The following RANBP2 variants were observed in gnomAD, a reference collection of about 807,000 sequenced individuals.
RANBP2 encodes the protein E3 SUMO-protein ligase RanBP2.
RANBP2 carries 57 observed loss-of-function variants against 303.6 expected under a neutral mutation model. The ratio of observed to expected loss-of-function variants is 0.19; its 90% confidence interval spans 0.15 to 0.23. RANBP2 has a LOEUF of 0.23. RANBP2 is among the 10% of genes least tolerant of loss of function. The pLI is 1.00. For synonymous variants in RANBP2, 1,167 were observed against 1,301.5 expected (o/e 0.90, Z 2.23); for missense variants, 3,138 against 3,780.8 (o/e 0.83, Z 4.46).
the RANBP2 span, among the ~76,000 whole-genome samples, chr2:109,046,959 T>G: frequency 6.6e-6 from 1 of 152,114 alleles, no homozygotes; most frequent in African/African-American, 2.4e-5. Flanking sequence ...CTCTTGGTTC[T>G]GTCAGCAACC....
the RANBP2 span, among the ~76,000 whole-genome samples, chr2:109,506,507 C>T: frequency 8.7e-3 from 1,327 of 152,320 alleles, 26 homozygotes; most frequent in African/African-American, 0.03. Context: ...CCCCTGGGGC[C>T]TTGCAGAGGG....
chr2:109,060,156 C>T, the RANBP2 span, among the ~76,000 whole-genome samples: 3 of 151,978 alleles, frequency 2.0e-5, no homozygotes, highest in African/African-American at 4.8e-5. Context: ...GAGCCAAGAT[C>T]GCGCCACTGC....
the RANBP2 span, among the ~76,000 whole-genome samples, chr2:108,851,934 C>T: frequency 6.6e-6 from 1 of 152,102 alleles, no homozygotes; most frequent in East Asian, 1.9e-4. Context: ...GATAATTGTG[C>T]CAAAACGATA....
chr2:109,530,853 G>C, the RANBP2 span, among the ~76,000 whole-genome samples: 1 of 152,150 alleles, frequency 6.6e-6, no homozygotes, highest in Non-Finnish European at 1.5e-5. Context: ...GCCGGGCCAG[G>C]GCAGTTCCTG....
the RANBP2 span, among the ~76,000 whole-genome samples, chr2:109,096,675 G>A: frequency 6.6e-6 from 1 of 152,086 alleles, no homozygotes; most frequent in Non-Finnish European, 1.5e-5. Context: ...TTAAATGAAT[G>A]GACTGAACTA....
the RANBP2 span, among the ~76,000 whole-genome samples, chr2:108,920,753 C>T: frequency 6.6e-6 from 1 of 152,192 alleles, no homozygotes; most frequent in Non-Finnish European, 1.5e-5. Context: ...TTTCATTTCT[C>T]CTCAGGGTTA....
the RANBP2 span, among the ~76,000 whole-genome samples, chr2:109,298,305 G>GA: frequency 7.5e-6 from 1 of 133,132 alleles, no homozygotes; most frequent in African/African-American, 2.6e-5. Context: ...AGACAGGCGG[G>GA]AAGGGAAGCG....
In RANBP2 at chr2:108,763,807, G is replaced by A. The variant is rs777309334; in HGVS notation, c.3268G>A (p.Gly1090Ser). 3 of 1,613,900 alleles carry A rather than the reference G, an allele frequency of 1.9e-6. No homozygotes were observed. In the East Asian group the frequency reaches 6.7e-5, roughly 36 times the overall value. Residue 1090 changes from glycine (G) to serine (S), a missense_variant, in exon 20 of 29, where the codon GGT becomes AGT. Gly to Ser is a moderately conservative substitution (Grantham distance 56). Coordinates refer to ENST00000283195, the MANE Select transcript of RANBP2 (RefSeq NM_006267.5). Reference protein sequence around the residue: ...GYSGAKPIPGGQTIGPRNTFN... With the variant: ...GYSGAKPIPGSQTIGPRNTFN... ...TAGTGGAGCCAAACCAATTCCTGGT[G>A]GTCAAACCATTGGGCCTCGAAATAC...
At chr2:108,736,377 A>G in intron 6 of RANBP2, 128 bp downstream of exon 6, 1 of 1,555,684 alleles carries the variant, frequency 6.4e-7, no homozygotes, top group South Asian at 1.1e-5. Flanking sequence ...TAGTTAATAC[A>G]GTGAACAACT....
chr2:109,282,767 T>A, the RANBP2 span, among the ~76,000 whole-genome samples: 1 of 152,200 alleles, frequency 6.6e-6, no homozygotes, highest in Non-Finnish European at 1.5e-5. Context: ...AGGAGAAAGC[T>A]GCAGAAGAGC....
the RANBP2 span, among the ~76,000 whole-genome samples, chr2:109,004,956 TCA>T: frequency 6.6e-6 from 1 of 152,200 alleles, no homozygotes; most frequent in Non-Finnish European, 1.5e-5. Context: ...TAATTCTCAC[TCA>T]CATATGTTCA....
At chr2:108,842,914 A>T in the RANBP2 span, among the ~76,000 whole-genome samples, 1 of 152,210 alleles carries the variant, frequency 6.6e-6, no homozygotes, top group East Asian at 1.9e-4. Context: ...CAGAAGCTTT[A>T]CTTCCCTTTT....
chr2:108,825,986 A>T, the RANBP2 span, among the ~76,000 whole-genome samples: 1 of 152,126 alleles, frequency 6.6e-6, no homozygotes, highest in Non-Finnish European at 1.5e-5. Flanking sequence ...TATGGTTTTC[A>T]TTCATGTTTC....
the RANBP2 span, among the ~76,000 whole-genome samples, chr2:109,483,413 G>T: frequency 6.6e-6 from 1 of 152,164 alleles, no homozygotes; most frequent in Non-Finnish European, 1.5e-5. Flanking sequence ...CCACTGGAGC[G>T]TATGCTCTCG....
chr2:108,944,264 C>T, the RANBP2 span, among the ~76,000 whole-genome samples: 18 of 152,288 alleles, frequency 1.2e-4, no homozygotes, highest in African/African-American at 4.1e-4. Flanking sequence ...CAGGGCTGTA[C>T]CAACATGCCT....
chr2:108,812,571 C>T, the RANBP2 span: 1 of 1,259,634 alleles, frequency 7.9e-7, no homozygotes, highest in Non-Finnish European at 1.2e-6. Context: ...ATTGGGAAAC[C>T]CTTAGTATGA....
the RANBP2 span, among the ~76,000 whole-genome samples, chr2:108,820,328 T>TA: frequency 6.6e-6 from 1 of 152,066 alleles, no homozygotes; most frequent in African/African-American, 2.4e-5. Context: ...CTGAGGGACT[T>TA]ATGGGAGATC....
the RANBP2 span, among the ~76,000 whole-genome samples, chr2:109,116,464 CTTGGCT>C: frequency 6.6e-6 from 1 of 152,196 alleles, no homozygotes; most frequent in Non-Finnish European, 1.5e-5. Flanking sequence ...GTTCTAGAGC[CTTGGCT>C]TTCAGCTCCA....
the RANBP2 span, among the ~76,000 whole-genome samples, chr2:109,519,333 C>T: frequency 6.6e-6 from 1 of 152,212 alleles, no homozygotes; most frequent in African/African-American, 2.4e-5. Context: ...AATCACCTCC[C>T]ACCAGGCCCC....
Sources: allele counts gnomAD v4.1 joint callset (sites outside exome capture counted in the v4.1 genomes callset), GRCh38; gene constraint gnomAD v4.1.1; transcripts MANE v1.5; gene names NCBI Gene and HGNC (gene_info 2026-07-23, HGNC 2026-07-21).